LEF1: variants seen among roughly 807,000 people sequenced by gnomAD.
LEF1 encodes lymphoid enhancer binding factor 1.
LEF1 carries 14 observed loss-of-function variants against 51.2 expected under a neutral mutation model. The observed-to-expected ratio is 0.27, with a 90% CI of 0.18 to 0.43. The LOEUF is 0.43. LEF1 is among the 20% of genes least tolerant of loss of function. The pLI is 1.00. For synonymous variants in LEF1, 185 were observed against 183.2 expected, an observed-to-expected ratio of 1.01 and a Z score of -0.08; for missense variants, 386 against 512.0, an observed-to-expected ratio of 0.75 and a Z score of 2.37.
intron 9 of LEF1, among the ~76,000 whole-genome samples, chr4:108,067,684 C>T (rs1738171103): frequency 6.6e-6 from 1 of 152,010 alleles, no homozygotes; most frequent in Non-Finnish European, 1.5e-5. Context: ...CGCACACCAC[C>T]ATGCCCAGCT....
Position 108,167,513 on chromosome 4 carries a change from G to GA in LEF1, c.213+41dup. The GA allele has an allele frequency of 6.2e-7, 1 of 1,600,406 alleles. No individual in the cohort carries two copies. Among genetic ancestry groups the GA allele is most frequent in the Non-Finnish European group, 8.5e-7 (1 of 1,170,140 alleles). On this transcript the variant is annotated intron_variant, in intron 1 of 11. Transcript: ENST00000265165. The surrounding 1 kb of genome is among the most constrained non-coding windows in gnomAD (Gnocchi z 5.7). ...TTCCTCCCTCTCTGAGTTTCCCAGG[G>GA]ACCCGCCACGCCTCTCGGAACTGGG...
intron 11 of LEF1, among the ~76,000 whole-genome samples, chr4:108,049,697 C>T (rs547358336): frequency 3.9e-5 from 6 of 152,228 alleles, no homozygotes; most frequent in African/African-American, 1.4e-4. Context: ...TTGTGCTATC[C>T]GTGTTACAAG....
At position 108,070,686 on chromosome 4, in the gene LEF1, C is replaced by G; in HGVS notation, c.1093G>C (p.Gly365Arg). 1 of 1,613,490 alleles carries G rather than the reference C, an allele frequency of 6.2e-7. No individual in the cohort carries two copies. Among genetic ancestry groups the G allele is most frequent in the South Asian group, 1.1e-5 (1 of 91,044 alleles). Reference sequence around the variant, plus strand: ...ACATAATTGTCTCTTGCAGACCAGCCTGGATAAAGCTGCATATGTAGCTGT... The same window carrying G: ...ACATAATTGTCTCTTGCAGACCAGCGTGGATAAAGCTGCATATGTAGCTGT... ...ERQLHMQLYPGWSARDNYGKK... is the reference protein window; with the variant it reads ...ERQLHMQLYPRWSARDNYGKK... Residue 365 changes from glycine (G) to arginine (R), a missense_variant, in exon 9 of 12, where the codon GGC becomes CGC. Physicochemically the swap from Gly to Arg is moderately radical, Grantham distance 125 (BLOSUM62 -2). Transcript: ENST00000265165.
At chr4:108,156,394 G>A (rs942981470) in intron 3 of LEF1, among the ~76,000 whole-genome samples, 21 of 152,066 alleles carry the variant, frequency 1.4e-4, no homozygotes, top group African/African-American at 5.1e-4. Context: ...CAAAAAATAA[G>A]AGAAAAAGTA....
intron 2 of LEF1, among the ~76,000 whole-genome samples, chr4:108,164,037 T>A (rs190806899): frequency 1.6e-3 from 237 of 152,256 alleles, no homozygotes; most frequent in Non-Finnish European, 2.9e-3. Context: ...CACACAACTT[T>A]AAAAATGTAA....
intron 3 of LEF1, among the ~76,000 whole-genome samples, chr4:108,092,942 A>AAAAAAAAAAAAAAAAAAAAAAACAAC (rs1553952210): frequency 6.9e-6 from 1 of 144,962 alleles, no homozygotes; most frequent in Non-Finnish European, 1.5e-5. Flanking sequence ...AAAAAAAAAA[A>AAAAAAAAAAAAAAAAAAAAAAACAAC]AAAAAAAGAC....
rs749804370 is a variant in LEF1 at position 108,081,680 on chromosome 4, A to G, written c.639-11T>C. ...ACAGGCTGACCTTGCCTGAGGTCAC[A>G]GAAGAAAGGAACCCATCAATGACAA... On this transcript the variant is annotated splice_polypyrimidine_tract_variant and intron_variant, in intron 5 of 11. Coordinates refer to ENST00000265165, the MANE Select transcript of LEF1 (RefSeq NM_016269.5). The G allele has an allele frequency of 6.2e-7, 1 of 1,610,328 alleles. No homozygotes were observed. Among genetic ancestry groups the G allele is most frequent in the South Asian group, 1.1e-5 (1 of 90,888 alleles).
At chr4:108,070,029 A>G (rs1386402735) in intron 9 of LEF1, among the ~76,000 whole-genome samples, 1 of 151,980 alleles carries the variant, frequency 6.6e-6, no homozygotes, top group Admixed American at 6.6e-5. Context: ...TCTATTCAAC[A>G]TAAATAATAG....
At chr4:108,095,897 A>T (rs190378628) in intron 3 of LEF1, among the ~76,000 whole-genome samples, 1 of 152,276 alleles carries the variant, frequency 6.6e-6, no homozygotes, top group African/African-American at 2.4e-5. Flanking sequence ...AGGCTGAGGA[A>T]AGATCAGGGT....
intron 5 of LEF1, among the ~76,000 whole-genome samples, chr4:108,082,156 T>C (rs3796998): frequency 0.85 from 128,697 of 152,150 alleles, 55,583 homozygotes; most frequent in East Asian, 0.97. Context: ...CCCATATACA[T>C]GTTAAAGTCA....
chr4:108,054,512 C>T (rs556987911), intron 11 of LEF1, among the ~76,000 whole-genome samples: 1 of 152,308 alleles, frequency 6.6e-6, no homozygotes, highest in South Asian at 2.1e-4. Context: ...TGCTACAGAA[C>T]GAGAGGAGGC....
rs1292949910 is a variant in LEF1, at chr4:108,089,154, T to C, written c.518A>G (p.His173Arg). The C allele has an allele frequency of 1.2e-6, 2 of 1,613,826 alleles. No homozygotes were observed. Among genetic ancestry groups the C allele is most frequent in the African/African-American group, 2.7e-5 (2 of 74,826 alleles). The change falls in exon 4 of 12, where the codon CAC becomes CGC. Residue 173 changes from histidine to arginine, a missense_variant. By Grantham distance (29) the His-to-Arg change is conservative (BLOSUM62 0). This residue lies in a region of LEF1 where 335 missense variants were observed against 390.7 expected (regional missense o/e 0.86). Coordinates refer to ENST00000265165, the MANE Select transcript of LEF1 (RefSeq NM_016269.5). ...TTTGGAGTTGACATCTGATGGGATG[T>C]GTGACGGGTGTGATCCTGGAGAAAA... ...EHFSPGSHPS[H>R]IPSDVNSKQG... is the part of the protein sequence containing the mutation.
chr4:108,152,027 A>G (rs1365783216), intron 3 of LEF1, among the ~76,000 whole-genome samples: 4 of 152,220 alleles, frequency 2.6e-5, no homozygotes, highest in African/African-American at 4.8e-5. Flanking sequence ...GAAACTAACA[A>G]TCAATGAGAA....
intron 3 of LEF1, among the ~76,000 whole-genome samples, chr4:108,138,085 C>A (rs989086614): frequency 6.6e-6 from 1 of 152,178 alleles, no homozygotes; most frequent in Non-Finnish European, 1.5e-5. Flanking sequence ...CCTATTTTTG[C>A]TTCTTCAACA....
chr4:108,120,025 G>A (rs5019635), intron 3 of LEF1, among the ~76,000 whole-genome samples: 3 of 96,090 alleles, frequency 3.1e-5, no homozygotes, highest in African/African-American at 7.3e-5. Flanking sequence ...GTGTGTGTGT[G>A]TGTGTGTATG....
chr4:108,148,283 A>AG (rs1744120268), intron 3 of LEF1, among the ~76,000 whole-genome samples: 1 of 48,164 alleles, frequency 2.1e-5, no homozygotes, highest in South Asian at 9.2e-4. Context: ...TAATAAAAAA[A>AG]AAAAAATTTA....
chr4:108,064,488 G>T (rs1282361141), intron 9 of LEF1, 104 bp from the exon 10 acceptor site: 3 of 776,336 alleles, frequency 3.9e-6, no homozygotes, highest in South Asian at 3.4e-5. Context: ...AGGTAAAGAT[G>T]ACTCATTCTC....
At chr4:108,085,987 GAACA>G (rs1189926906) in intron 4 of LEF1, among the ~76,000 whole-genome samples, 1 of 152,140 alleles carries the variant, frequency 6.6e-6, no homozygotes, top group Admixed American at 6.5e-5. Context: ...CTGACCAATT[GAACA>G]AACAAACAAG....
intron 11 of LEF1, among the ~76,000 whole-genome samples, chr4:108,050,102 G>A (rs1358776376): frequency 1.3e-5 from 2 of 152,156 alleles, no homozygotes; most frequent in African/African-American, 4.8e-5. Flanking sequence ...TACTGAAAAA[G>A]CAAAAACCAA....
Sources: gnomAD v4.1 joint callset for allele counts (sites outside exome capture counted in the v4.1 genomes callset) on GRCh38, gnomAD v4.1.1 for gene constraint, gnomAD v4.1.1 regional missense constraint, Gnocchi (gnomAD v3.1) non-coding constraint, MANE v1.5 for transcripts, NCBI Gene and HGNC (gene_info 2026-07-23, HGNC 2026-07-21) for gene names.